Variants in TENM2 observed in about 807,000 individuals in gnomAD.
TENM2 encodes teneurin transmembrane protein 2, also known as teneurin-2.
In TENM2, 52 loss-of-function variants were observed where a neutral mutation model predicts 245.2. The ratio of observed to expected loss-of-function variants is 0.21; its 90% CI spans 0.17 to 0.27. TENM2 has a LOEUF of 0.27. Among genes scored for constraint, TENM2 ranks in the 10% least tolerant of loss-of-function variants. The pLI, the probability that TENM2 is intolerant of heterozygous loss-of-function variation, is 1.00. For synonymous variants in TENM2, 1,363 were observed against 1,438.9 expected, an observed-to-expected ratio of 0.95 and a Z score of 1.19; for missense variants, 3,046 against 3,666.8, an observed-to-expected ratio of 0.83 and a Z score of 4.37.
chr5:168,030,367 T>C (rs79718105), intron 5 of TENM2, among the ~76,000 whole-genome samples: 10,314 of 151,854 alleles, frequency 0.068, 793 homozygotes, highest in African/African-American at 0.19. Context: ...CCCTTCATGT[T>C]CTCTTTCATT....
the TENM2 span, among the ~76,000 whole-genome samples, chr5:167,182,526 A>G: frequency 2.0e-5 from 3 of 152,192 alleles, no homozygotes; most frequent in African/African-American, 7.2e-5. Context: ...TCTTTCTAAA[A>G]TATTTTCTAA....
the TENM2 span, among the ~76,000 whole-genome samples, chr5:167,186,101 A>G: frequency 6.6e-6 from 1 of 152,180 alleles, no homozygotes; most frequent in Non-Finnish European, 1.5e-5. Context: ...CCAATGGCCC[A>G]GAATGTGGCT....
At chr5:167,475,264 T>C (rs1767298005) in intron 2 of TENM2, among the ~76,000 whole-genome samples, 1 of 152,156 alleles carries the variant, frequency 6.6e-6, no homozygotes, top group Non-Finnish European at 1.5e-5. Flanking sequence ...ACAGCCTTCC[T>C]CAAAATTTGG....
rs539346722 is a variant in TENM2 at position 168,085,434 on chromosome 5, G to A, written c.1516-5140G>A. ...GAAATGCAGATGCTGTTTCCTGTCC[G>A]GAAGCTCAGGGGCTGGTTCTTATAG... On this transcript the variant is annotated intron_variant, in intron 7 of 28. Coordinates refer to ENST00000518659, the Ensembl canonical transcript of TENM2. The A allele has an allele frequency of 3.9e-5, 6 of 152,292 alleles. No individual in the cohort carries two copies. In the South Asian group the frequency reaches 6.2e-4, roughly 16 times the overall value. The allele number at this position is 152,292 out of a possible 1,614,324, so 9.4% of individuals were successfully genotyped here. A position where few individuals can be genotyped will look rare whatever the true frequency, so the allele number is the denominator to read the frequency against.
intron 25 of TENM2, among the ~76,000 whole-genome samples, chr5:168,228,371 T>C (rs1350909517): frequency 1.3e-5 from 2 of 152,194 alleles, no homozygotes; most frequent in African/African-American, 2.4e-5. Context: ...GGAAAAACGT[T>C]CTCCATTTCC....
intron 1 of TENM2, among the ~76,000 whole-genome samples, chr5:167,343,664 G>A (rs1758262729): frequency 6.6e-6 from 1 of 152,124 alleles, no homozygotes. Context: ...AACTGTAATT[G>A]ATAACTAAAT....
intron 1 of TENM2, among the ~76,000 whole-genome samples, chr5:167,292,765 C>T (rs896345799): frequency 6.6e-6 from 1 of 152,106 alleles, no homozygotes; most frequent in Admixed American, 6.5e-5. Context: ...TAACTAGGTA[C>T]CTTATAAAAA....
At chr5:167,363,723 T>A (rs1581846951) in intron 1 of TENM2, among the ~76,000 whole-genome samples, 1 of 75,470 alleles carries the variant, frequency 1.3e-5, no homozygotes. Flanking sequence ...CAAGCGAGAC[T>A]CCATCTCAAA....
intron 2 of TENM2, among the ~76,000 whole-genome samples, chr5:167,859,051 A>T (rs1228498242): frequency 5.4e-4 from 79 of 147,104 alleles, no homozygotes; most frequent in African/African-American, 1.9e-3. Context: ...CCGCCATCAC[A>T]TCTAGGAAGT....
At chr5:167,231,245 A>T in the TENM2 span, among the ~76,000 whole-genome samples, 1 of 152,322 alleles carries the variant, frequency 6.6e-6, no homozygotes, top group East Asian at 1.9e-4. Flanking sequence ...TGTGGAAGCG[A>T]CTTTGGAACT....
intron 1 of TENM2, among the ~76,000 whole-genome samples, chr5:167,322,639 G>A (rs866307172): frequency 2.0e-5 from 3 of 151,942 alleles, no homozygotes; most frequent in Non-Finnish European, 4.4e-5. Flanking sequence ...CCTTAAAGGT[G>A]AAAATAAACA....
At chr5:167,686,445 T>A (rs1757082402) in intron 2 of TENM2, among the ~76,000 whole-genome samples, 1 of 152,218 alleles carries the variant, frequency 6.6e-6, no homozygotes, top group Non-Finnish European at 1.5e-5. Context: ...AAACGTTGCT[T>A]GCTGTGTAGT....
chr5:167,413,618 C>T lies in TENM2; in HGVS notation c.502+38145C>T, dbSNP rs115151321. ...TCCCTCAAATATCCAGCCATCCATC[C>T]GTTTCCTTCTGAGCAGAGCAATAAA... On this transcript the variant is annotated intron_variant, in intron 2 of 28. Coordinates refer to ENST00000518659, the Ensembl canonical transcript of TENM2. Among the ~76,000 whole-genome samples, 836 of 152,200 alleles carry T rather than the reference C, an allele frequency of 5.5e-3. 10 individuals are homozygous for T. The highest frequency in any genetic ancestry group is 0.015 in the African/African-American group (614 of 41,552).
intron 3 of TENM2, among the ~76,000 whole-genome samples, chr5:167,907,524 AATATATATAT>A (rs56159044): frequency 0.058 from 4,495 of 78,018 alleles, 129 homozygotes; most frequent in Non-Finnish European, 0.084. Flanking sequence ...GATCACCCTA[AATATATATAT>A]ATATATATAT....
intron 1 of TENM2, among the ~76,000 whole-genome samples, chr5:167,358,545 C>A (rs1561891348): frequency 6.6e-6 from 1 of 150,614 alleles, no homozygotes; most frequent in Admixed American, 6.6e-5. Flanking sequence ...TTACTGCTTT[C>A]TCTTCTTCAC....
At chr5:168,022,725 G>A (rs1047411702) in intron 5 of TENM2, among the ~76,000 whole-genome samples, 10 of 152,258 alleles carry the variant, frequency 6.6e-5, no homozygotes, top group African/African-American at 1.9e-4. Flanking sequence ...ACAAAAGCAT[G>A]TATAGTGTTT....
At chr5:167,318,066 C>A (rs1756477883) in intron 1 of TENM2, among the ~76,000 whole-genome samples, 2 of 152,186 alleles carry the variant, frequency 1.3e-5, no homozygotes, top group African/African-American at 2.4e-5. Context: ...TTTGAAATTG[C>A]AAACCCACAG....
At chr5:167,444,481 T>A (rs1335894820) in intron 2 of TENM2, among the ~76,000 whole-genome samples, 1 of 152,128 alleles carries the variant, frequency 6.6e-6, no homozygotes, top group African/African-American at 2.4e-5. Flanking sequence ...TGTTGGCAAA[T>A]ATCTAAAATA....
At chr5:167,608,097 A>C (rs1239434521) in intron 2 of TENM2, among the ~76,000 whole-genome samples, 1 of 152,178 alleles carries the variant, frequency 6.6e-6, no homozygotes, top group Non-Finnish European at 1.5e-5. Flanking sequence ...TCATGCTATA[A>C]AACTAAAAGT....
Sources: allele counts gnomAD v4.1 joint callset (sites outside exome capture counted in the v4.1 genomes callset), GRCh38; gene constraint gnomAD v4.1.1; transcripts MANE v1.5; gene names NCBI Gene and HGNC (gene_info 2026-07-23, HGNC 2026-07-21).